Variants in SLCO1C1 observed in about 807,000 individuals in gnomAD.
SLCO1C1 encodes solute carrier organic anion transporter family member 1C1.
In SLCO1C1, 70 loss-of-function variants were observed where a neutral mutation model predicts 76.4. The ratio of observed to expected loss-of-function variants is 0.92; its 90% CI spans 0.76 to 1.12. SLCO1C1 has a LOEUF of 1.12. Among genes scored for constraint, SLCO1C1 ranks in the 50% most tolerant of loss-of-function variants. The pLI is 0.00. For missense variants in SLCO1C1, 912 were observed against 823.8 expected, an observed-to-expected ratio of 1.11 and a Z score of -1.31; for synonymous variants, 306 against 286.1, an observed-to-expected ratio of 1.07 and a Z score of -0.70.
chr12:20,698,395 T>A (rs1946363598), intron 1 of SLCO1C1, among the ~76,000 whole-genome samples: 1 of 152,044 alleles, frequency 6.6e-6, no homozygotes, highest in Non-Finnish European at 1.5e-5. Context: ...CAATTCCCAC[T>A]CCCTAGAGGA....
Position 20,740,326 on chromosome 12 carries a change from C to G in SLCO1C1, c.1691C>G (p.Thr564Ser), listed in dbSNP as rs772199480. 30 of 1,613,802 alleles carry G rather than the reference C, an allele frequency of 1.9e-5. No homozygotes were observed. The highest frequency in any genetic ancestry group is 2.3e-5 in the Non-Finnish European group (27 of 1,179,888). Residue 564 changes from threonine to serine, a missense_variant, in exon 12 of 15, where the codon ACT becomes AGT. Thr to Ser is a moderately conservative substitution (Grantham distance 58). Transcript: ENST00000266509. ...FLVISVITSY[T>S]LSLGGIPGYI... is the part of the protein sequence containing the mutation. ...GTAATTTCAGTCATCACATCCTATA[C>G]TTTATCCCTAGGTGGCATACCTGGA...
chr12:20,705,679 T>C (rs765079143), intron 3 of SLCO1C1, among the ~76,000 whole-genome samples: 6 of 152,074 alleles, frequency 3.9e-5, no homozygotes, highest in Non-Finnish European at 8.8e-5. Context: ...GACTTACTGA[T>C]AAAATATTTT....
In SLCO1C1 at chr12:20,695,595, A is replaced by G. The variant is rs1183337321; in HGVS notation, c.-238A>G. On this transcript the variant is annotated 5_prime_UTR_variant, in exon 1 of 15. Coordinates refer to ENST00000266509, the MANE Select transcript of SLCO1C1 (RefSeq NM_017435.5). Reference sequence around the variant, plus strand: ...AAGAGGCCAGGAAGAAAGAGGAAAGAGAAGAGATCGCTCAGGGGTGAGACC... The same window carrying G: ...AAGAGGCCAGGAAGAAAGAGGAAAGGGAAGAGATCGCTCAGGGGTGAGACC... 4.6e-5 allele frequency: 7 copies of G among 152,174 alleles called. No homozygotes were observed. Among genetic ancestry groups the G allele is most frequent in the Non-Finnish European group, 1.0e-4 (7 of 68,058 alleles). 9.4% of individuals were successfully genotyped at this position (152,174 alleles called of 1,614,324 possible).
intron 4 of SLCO1C1, among the ~76,000 whole-genome samples, chr12:20,710,080 A>G (rs1341778293): frequency 6.6e-6 from 1 of 151,992 alleles, no homozygotes; most frequent in African/African-American, 2.4e-5. Flanking sequence ...GGGGTTCATG[A>G]ACCCATTGAG....
At chr12:20,719,578 T>C (rs1242222626) in intron 7 of SLCO1C1, among the ~76,000 whole-genome samples, 2 of 152,140 alleles carry the variant, frequency 1.3e-5, no homozygotes, top group Admixed American at 6.5e-5. Context: ...GAAAGTGAAA[T>C]AGCCTTATTG....
intron 10 of SLCO1C1, among the ~76,000 whole-genome samples, chr12:20,735,351 C>G (rs1429508900): frequency 6.6e-6 from 1 of 152,050 alleles, no homozygotes. Flanking sequence ...TTGTCACTAG[C>G]AAGCAGTGTG....
In SLCO1C1 at chr12:20,752,410, G is replaced by A. The variant is rs901490836; in HGVS notation, c.2021G>A (p.Ser674Asn). ...LKKNYVSKHR[S>N]FITKRERTMV... is the part of the protein sequence containing the mutation. ...AAAAATTATGTTTCAAAACACAGAA[G>A]TTTTATAACCAAGAGAGAAAGAACA... Residue 674 changes from serine to asparagine, a missense_variant, in exon 15 of 15, where the codon AGT becomes AAT. Physicochemically the swap from Ser to Asn is conservative, Grantham distance 46. Coordinates refer to ENST00000266509, the MANE Select transcript of SLCO1C1 (RefSeq NM_017435.5). The A allele has an allele frequency of 8.7e-6, 14 of 1,613,200 alleles. No homozygotes were observed. Among genetic ancestry groups the A allele is most frequent in the African/African-American group, 1.3e-5 (1 of 74,898 alleles).
At position 20,743,449 on chromosome 12, in the gene SLCO1C1, T is replaced by A. The variant is rs566107988; in HGVS notation, c.1798+80T>A. Reference sequence around the variant, plus strand: ...ACTTTTCTAAATATTTTTACAGAATTGCCATGCATAAATATATGTTGTAGG... The same window carrying A: ...ACTTTTCTAAATATTTTTACAGAATAGCCATGCATAAATATATGTTGTAGG... On this transcript the variant is annotated intron_variant, in intron 13 of 14. Transcript: ENST00000266509. 195 of 1,153,878 alleles carry A rather than the reference T, an allele frequency of 1.7e-4. No homozygotes were observed. In the South Asian group the frequency reaches 2.5e-3, roughly 15 times the overall value. 71.5% of individuals were successfully genotyped at this position (1,153,878 alleles called of 1,614,324 possible). A position where few individuals can be genotyped will look rare whatever the true frequency, so the allele number is the denominator to read the frequency against.
chr12:20,710,002 C>G (rs1172821726), intron 4 of SLCO1C1, among the ~76,000 whole-genome samples: 1 of 148,798 alleles, frequency 6.7e-6, no homozygotes, highest in Non-Finnish European at 1.5e-5. Context: ...AATTATAAAA[C>G]CTGTAACCCT....
At chr12:20,731,669 A>G (rs1232531725) in intron 9 of SLCO1C1, among the ~76,000 whole-genome samples, 1 of 152,222 alleles carries the variant, frequency 6.6e-6, no homozygotes, top group African/African-American at 2.4e-5. Context: ...AATATGAGAA[A>G]TAAATTCTAA....
At chr12:20,748,486 A>C (rs1949148749) in intron 13 of SLCO1C1, among the ~76,000 whole-genome samples, 1 of 152,194 alleles carries the variant, frequency 6.6e-6, no homozygotes, top group Admixed American at 6.5e-5. Flanking sequence ...CTATATAACC[A>C]CAATACCATT....
Position 20,707,360 on chromosome 12 carries a change from T to G in SLCO1C1, c.404+1279T>G, listed in dbSNP as rs12316138. 6.2e-3 allele frequency among the ~76,000 whole-genome samples: 950 copies of G among 152,180 alleles called. 8 individuals are homozygous for G. The highest frequency in any genetic ancestry group is 0.021 in the African/African-American group (858 of 41,552). ...CTTTAGTTGTGTTGCTGTTATCTGT[T>G]GATTCATTGAGCTTCCATGTGACAG... is the stretch of plus-strand genomic sequence containing the variant. On this transcript the variant is annotated intron_variant, in intron 4 of 14. Transcript: ENST00000266509.
At chr12:20,751,987 T>A (rs1862861979) in intron 14 of SLCO1C1, among the ~76,000 whole-genome samples, 1 of 152,148 alleles carries the variant, frequency 6.6e-6, no homozygotes, top group African/African-American at 2.4e-5. Context: ...ATTAAAATTA[T>A]ACTGGGCCAG....
chr12:20,736,039 A>C (rs1267165519), intron 10 of SLCO1C1, among the ~76,000 whole-genome samples: 2 of 152,206 alleles, frequency 1.3e-5, no homozygotes, highest in Admixed American at 6.6e-5. Context: ...ATTTGAAAAT[A>C]AGGAGCAGAA....
At position 20,740,787 on chromosome 12, in the gene SLCO1C1, T is replaced by TTATATATATATATATATATATATATA. The variant is rs71039980; in HGVS notation, c.1733+425_1733+450dup. Among the ~76,000 whole-genome samples, 95 of 75,022 alleles carry TTATATATATATATATATATATATATA rather than the reference T, an allele frequency of 1.3e-3. 5 individuals carry two copies. The highest frequency in any genetic ancestry group is 3.5e-3 in the African/African-American group (64 of 18,418). The allele number at this position is 75,022 out of a possible 152,430, so 49.2% of individuals were successfully genotyped here. On this transcript the variant is annotated intron_variant, in intron 12 of 14. Coordinates refer to ENST00000266509, the MANE Select transcript of SLCO1C1 (RefSeq NM_017435.5). The stretch of plus-strand genomic sequence containing the variant: ...ACAACAATGTTAGAATTTATTTTAT[T>TTATATATATATATATATATATATATA]TATATATATATATATATATATATAT...
At chr12:20,716,128 G>A (rs752908996) in intron 6 of SLCO1C1, among the ~76,000 whole-genome samples, 8 of 152,214 alleles carry the variant, frequency 5.3e-5, no homozygotes, top group Non-Finnish European at 1.0e-4. Flanking sequence ...TAGGTCCACT[G>A]TATAATCTTG....
chr12:20,738,797 T>A (rs934587479), intron 11 of SLCO1C1, among the ~76,000 whole-genome samples: 1 of 152,168 alleles, frequency 6.6e-6, no homozygotes, highest in African/African-American at 2.4e-5. Context: ...ATAATTTGCA[T>A]TATTTTCAGT....
rs79151742 is a variant in SLCO1C1, at chr12:20,727,322, C to A, written c.1186+4068C>A. Among the ~76,000 whole-genome samples the A allele has an allele frequency of 3.8e-3, 583 of 152,270 alleles. 5 individuals carry two copies. The highest frequency in any genetic ancestry group is 0.013 in the African/African-American group (548 of 41,550). ...GACTGATTTACATTCCCACCAACAA[C>A]CTACAAGCATCCCCTTTTCTCCGCA... On this transcript the variant is annotated intron_variant, in intron 9 of 14. Coordinates refer to ENST00000266509, the MANE Select transcript of SLCO1C1 (RefSeq NM_017435.5).
intron 7 of SLCO1C1, among the ~76,000 whole-genome samples, chr12:20,721,100 T>A (rs547859710): frequency 2.6e-5 from 4 of 151,406 alleles, no homozygotes; most frequent in Admixed American, 2.6e-4. Context: ...CTGATGAAGA[T>A]GCTGTGAACA....
Sources: allele counts gnomAD v4.1 joint callset (sites outside exome capture counted in the v4.1 genomes callset), GRCh38; gene constraint gnomAD v4.1.1; transcripts MANE v1.5; gene names NCBI Gene and HGNC (gene_info 2026-07-23, HGNC 2026-07-21).